Variants in NRG1 observed in about 807,000 individuals in gnomAD.
NRG1 encodes pro-neuregulin-1, membrane-bound isoform.
Under a neutral mutation model 63.8 loss-of-function variants are expected in NRG1, and 18 were observed. That is an observed-to-expected ratio of 0.28 (90% CI 0.19 to 0.42). The LOEUF is 0.42. NRG1 is among the 10% of genes least tolerant of loss of function. The pLI is 1.00. For synonymous variants in NRG1, 302 were observed against 301.3 expected, an observed-to-expected ratio of 1.00 and a Z score of -0.02; for missense variants, 762 against 814.7, an observed-to-expected ratio of 0.94 and a Z score of 0.79.
intron 1 of NRG1, among the ~76,000 whole-genome samples, chr8:32,257,256 G>A (rs902305514): frequency 6.6e-6 from 1 of 152,094 alleles, no homozygotes; most frequent in African/African-American, 2.4e-5. Context: ...TAGATCACTT[G>A]GCTCCCTGAC....
At chr8:32,531,869 A>T (rs1831486701) in intron 1 of NRG1, among the ~76,000 whole-genome samples, 1 of 152,220 alleles carries the variant, frequency 6.6e-6, no homozygotes, top group Non-Finnish European at 1.5e-5. Context: ...TAAATAAGTG[A>T]TAGCCAAGAA....
chr8:31,980,500 T>A (rs988728165), intron 1 of NRG1, among the ~76,000 whole-genome samples: 1 of 152,070 alleles, frequency 6.6e-6, no homozygotes, highest in Non-Finnish European at 1.5e-5. Flanking sequence ...GAAAATTACA[T>A]TTTGGCTTAG....
chr8:31,671,890 A>G (rs1298991826), intron 1 of NRG1, among the ~76,000 whole-genome samples: 1 of 152,132 alleles, frequency 6.6e-6, no homozygotes, highest in East Asian at 1.9e-4. Context: ...TTCTCAAGAC[A>G]TATGTTAGGT....
In NRG1 at chr8:31,785,979, G is replaced by A. The variant is rs117756019; in HGVS notation, c.37+146548G>A. Among the ~76,000 whole-genome samples, 1,109 of 152,168 alleles carry A rather than the reference G, an allele frequency of 7.3e-3. 45 individuals carry two copies. The South Asian group carries it at 0.11, about 16-fold the overall frequency. ...GATATGAAAAATAATTATTCACAGC[G>A]TGTTACTATAAAACATATGTTCATA... On this transcript the variant is annotated intron_variant, in intron 1 of 10. Transcript: ENST00000519301.
At chr8:31,688,673 T>A (rs1235642076) in intron 1 of NRG1, among the ~76,000 whole-genome samples, 2 of 152,214 alleles carry the variant, frequency 1.3e-5, no homozygotes, top group African/African-American at 4.8e-5. Context: ...TACAAGTATG[T>A]AAAATACACA....
intron 1 of NRG1, among the ~76,000 whole-genome samples, chr8:32,518,280 A>C (rs543580352): frequency 5.3e-4 from 80 of 152,286 alleles, no homozygotes; most frequent in African/African-American, 1.9e-3. Context: ...CTCTACCTCC[A>C]GAACATGCCA....
intron 1 of NRG1, among the ~76,000 whole-genome samples, chr8:32,155,075 C>T (rs62497563): frequency 0.015 from 2,318 of 152,154 alleles, 36 homozygotes; most frequent in South Asian, 0.04. Context: ...TTTTGCTATC[C>T]GCTGATTTCA....
At position 32,356,482 on chromosome 8, in the gene NRG1, CCCA is replaced by C. The variant is rs775380675; in HGVS notation, c.38-239343_38-239341del. 3.4e-3 allele frequency among the ~76,000 whole-genome samples: 443 copies of C among 131,700 alleles called. 11 individuals carry two copies. Among genetic ancestry groups the C allele is most frequent in the African/African-American group, 0.011 (386 of 34,360 alleles). The allele number at this position is 131,700 out of a possible 152,430, so 86.4% of individuals were successfully genotyped here. A position where few individuals can be genotyped will look rare whatever the true frequency, so the allele number is the denominator to read the frequency against. On this transcript the variant is annotated intron_variant, in intron 1 of 10. Coordinates refer to the NRG1 transcript ENST00000519301. The stretch of plus-strand genomic sequence containing the variant: ...AGAGTTTCCTTGTTGGGACCCCCCC[CCCA>C]CCCGCCGGGCCCCACCCCGTTGATA...
At chr8:31,964,712 G>A (rs550793919) in intron 1 of NRG1, among the ~76,000 whole-genome samples, 5 of 152,124 alleles carry the variant, frequency 3.3e-5, no homozygotes, top group South Asian at 2.1e-4. Context: ...GGGAAAAATC[G>A]CAGTTGCTTT....
intron 1 of NRG1, among the ~76,000 whole-genome samples, chr8:32,025,565 T>G (rs1817123729): frequency 1.3e-5 from 2 of 152,210 alleles, no homozygotes; most frequent in Non-Finnish European, 2.9e-5. Flanking sequence ...AGACGTATCT[T>G]TTTCTAAAAG....
intron 1 of NRG1, among the ~76,000 whole-genome samples, chr8:32,538,118 C>T (rs549580138): frequency 6.6e-6 from 1 of 152,116 alleles, no homozygotes; most frequent in Non-Finnish European, 1.5e-5. Flanking sequence ...TCCTAAAATG[C>T]TGGGATTACA....
intron 1 of NRG1, among the ~76,000 whole-genome samples, chr8:31,650,745 C>T (rs1401020477): frequency 6.7e-6 from 1 of 148,444 alleles, no homozygotes; most frequent in Non-Finnish European, 1.5e-5. Context: ...TTCTGTGTGT[C>T]TTGCCTCACT....
chr8:31,879,829 A>T (rs946570801), intron 1 of NRG1, among the ~76,000 whole-genome samples: 1 of 152,086 alleles, frequency 6.6e-6, no homozygotes, highest in Non-Finnish European at 1.5e-5. Flanking sequence ...CTGTTTCTGC[A>T]TTAGTTTGCT....
chr8:32,041,449 G>A (rs947254593), intron 1 of NRG1, among the ~76,000 whole-genome samples: 1 of 152,122 alleles, frequency 6.6e-6, no homozygotes, highest in Non-Finnish European at 1.5e-5. Flanking sequence ...TGTAGCAGAC[G>A]GACTGAGAAA....
intron 1 of NRG1, among the ~76,000 whole-genome samples, chr8:32,234,653 G>A (rs1444229469): frequency 6.6e-6 from 1 of 152,092 alleles, no homozygotes; most frequent in Non-Finnish European, 1.5e-5. Context: ...ATTAAATGTG[G>A]CAGAAAGTAT....
At chr8:31,993,369 A>C (rs1017028720) in intron 1 of NRG1, among the ~76,000 whole-genome samples, 2 of 151,910 alleles carry the variant, frequency 1.3e-5, no homozygotes, top group South Asian at 4.1e-4. Flanking sequence ...TTGGACTCTA[A>C]TATGGTTTGA....
intron 1 of NRG1, among the ~76,000 whole-genome samples, chr8:31,927,495 C>T (rs1343867082): frequency 8.2e-5 from 10 of 122,326 alleles, no homozygotes; most frequent in African/African-American, 3.2e-4. Flanking sequence ...GTCGCCCAGG[C>T]TGGAGTGCAG....
At chr8:32,444,269 C>T (rs956147504) in intron 1 of NRG1, among the ~76,000 whole-genome samples, 2 of 151,972 alleles carry the variant, frequency 1.3e-5, no homozygotes, top group Middle Eastern at 3.2e-3. Flanking sequence ...CAGGTGTGCC[C>T]CTCCATGTGC....
At chr8:32,339,818 G>T (rs1390886198) in intron 1 of NRG1, among the ~76,000 whole-genome samples, 1 of 152,136 alleles carries the variant, frequency 6.6e-6, no homozygotes, top group African/African-American at 2.4e-5. Context: ...GTTGTTGGAG[G>T]TTGATTGAAA....
Sources: allele counts gnomAD v4.1 joint callset (sites outside exome capture counted in the v4.1 genomes callset), GRCh38; gene constraint gnomAD v4.1.1; transcripts MANE v1.5; gene names NCBI Gene and HGNC (gene_info 2026-07-23, HGNC 2026-07-21).